Variants in PROSER3 observed in about 807,000 individuals in gnomAD.
PROSER3 encodes proline and serine-rich protein 3.
A neutral mutation model predicts 50.2 loss-of-function variants in PROSER3; 33 were observed. That is an observed-to-expected ratio of 0.66 (90% CI 0.50 to 0.88). The LOEUF (loss-of-function observed/expected upper bound fraction) is 0.88. Among genes scored for constraint, PROSER3 ranks in the 40% least tolerant of loss-of-function variants. The probability of loss-of-function intolerance (pLI) is 0.00; values close to 1 mark genes in which losing one functional copy is unlikely to be tolerated. For synonymous variants in PROSER3, 266 were observed against 259.3 expected, an observed-to-expected ratio of 1.03 and a Z score of -0.25; for missense variants, 623 against 612.7, an observed-to-expected ratio of 1.02 and a Z score of -0.18.
chr19:35,760,109 GT>G (rs1479820684), intron 3 of PROSER3, 118 bp downstream of exon 3: 2 of 1,091,108 alleles, frequency 1.8e-6, no homozygotes, highest in East Asian at 2.7e-5. Flanking sequence ...GGACCAGGCA[GT>G]TTATGTGTGT....
chr19:35,770,529 A>T (rs1454468360), downstream of PROSER3, among the ~76,000 whole-genome samples: 1 of 152,180 alleles, frequency 6.6e-6, no homozygotes, highest in Non-Finnish European at 1.5e-5. Flanking sequence ...GGGCCCCTCA[A>T]CAAATAAAAT....
exon 1 of PROSER3, chr19:35,758,212 CG>C (rs1346256154): frequency 2.6e-6 from 4 of 1,561,472 alleles, no homozygotes; most frequent in Non-Finnish European, 3.5e-6. Context: ...GAGGGAGCCG[CG>C]GGATGGACCG....
At chr19:35,768,050 C>G (rs748705071) in exon 9 of PROSER3, 2 of 1,581,986 alleles carry the variant, frequency 1.3e-6, no homozygotes, top group Middle Eastern at 1.7e-4. Context: ...CGCCCTGCTG[C>G]TGCAGGCTGC....
intron 7 of PROSER3, among the ~76,000 whole-genome samples, chr19:35,766,085 T>G (rs961827906): frequency 1.3e-5 from 2 of 151,850 alleles, no homozygotes; most frequent in South Asian, 4.2e-4. Context: ...GGGAACAGAT[T>G]TGGAGGAGAG....
chr19:35,768,039 C>A (rs1410041348), exon 9 of PROSER3: 1 of 1,580,874 alleles, frequency 6.3e-7, no homozygotes, highest in East Asian at 2.3e-5. Context: ...CTTGCCCAGG[C>A]CGCCCTGCTG....
downstream of PROSER3, chr19:35,770,771 G>A (rs1374364580): frequency 6.6e-6 from 1 of 151,366 alleles, no homozygotes; most frequent in African/African-American, 2.4e-5. Context: ...AGCTACTCAG[G>A]AGGCTGAGGC....
At position 35,764,271 on chromosome 19, in the gene PROSER3, A is replaced by G. The variant is rs1157463042; in HGVS notation, c.544-583A>G. On this transcript the variant is annotated intron_variant, in intron 5 of 10. Coordinates refer to ENST00000396908, the Ensembl canonical transcript of PROSER3. ...CTGTGATTCACTCATCCTTGAGCCA[A>G]CCACTGTGAACCAGAGGATAGAATG... 2.0e-5 allele frequency among the ~76,000 whole-genome samples: 3 copies of G among 152,286 alleles called. No homozygotes were observed. In the East Asian group the frequency reaches 5.8e-4, roughly 29 times the overall value.
At chr19:35,766,050 C>T (rs1249045563) in intron 7 of PROSER3, among the ~76,000 whole-genome samples, 1 of 152,104 alleles carries the variant, frequency 6.6e-6, no homozygotes, top group Non-Finnish European at 1.5e-5. Context: ...CTCAGGTATT[C>T]ACAGGCTCCC....
chr19:35,763,808 C>CT (rs74172759), intron 5 of PROSER3, among the ~76,000 whole-genome samples: 41,448 of 130,378 alleles, frequency 0.32, 7,540 homozygotes, highest in African/African-American at 0.54. Flanking sequence ...GCCCGGCCTT[C>CT]TTTTTTTTTT....
In PROSER3 at chr19:35,765,182, G is replaced by A. The variant is rs777246418; in HGVS notation, c.769+6G>A. On this transcript the variant is annotated splice_donor_region_variant and intron_variant, in intron 7 of 10. Coordinates refer to ENST00000396908, the Ensembl canonical transcript of PROSER3. Reference sequence around the variant, plus strand: ...CCTTGGCCCCAGGGCACCCGGTAAGGGCTGAGAGGCAAAGACTGAGGGCAG... The same window carrying A: ...CCTTGGCCCCAGGGCACCCGGTAAGAGCTGAGAGGCAAAGACTGAGGGCAG... The A allele has an allele frequency of 3.1e-6, 5 of 1,612,294 alleles. No individual in the cohort carries two copies. In the South Asian group the frequency reaches 5.5e-5, roughly 18 times the overall value.
intron 3 of PROSER3, among the ~76,000 whole-genome samples, chr19:35,761,683 CAAAT>C (rs1372327508): frequency 2.0e-5 from 3 of 151,788 alleles, no homozygotes; most frequent in Non-Finnish European, 2.9e-5. Flanking sequence ...TAATTAATTA[CAAAT>C]AAATAAATAA....
At chr19:35,762,186 C>A in intron 4 of PROSER3, 40 bp downstream of exon 4, 2 of 1,591,676 alleles carry the variant, frequency 1.3e-6, no homozygotes, top group Non-Finnish European at 1.7e-6. Context: ...CACCCCTAAA[C>A]CTTTGCTGAT....
rs771325327 is a variant in PROSER3, at chr19:35,761,618, G to T, written c.312-401G>T. Among the ~76,000 whole-genome samples the T allele has an allele frequency of 3.9e-5, 6 of 152,092 alleles. No individual in the cohort carries two copies. The South Asian group carries it at 1.2e-3, about 32-fold the overall frequency. ...AGAGGTTGCAGTGAGCCAAGATCAC[G>T]CCATTGCACTCTAACCTGGGCAACA... On this transcript the variant is annotated intron_variant, in intron 3 of 10. Coordinates refer to ENST00000396908, the Ensembl canonical transcript of PROSER3.
At chr19:35,767,266 G>A in intron 8 of PROSER3, 1 of 353,154 alleles carries the variant, frequency 2.8e-6, no homozygotes, top group Admixed American at 4.4e-5. Context: ...CACAGTCTGG[G>A]CCTTGGGTAT....
Position 35,758,233 on chromosome 19 carries a change from C to A in PROSER3, c.11+7C>A. On this transcript the variant is annotated splice_region_variant and intron_variant, in intron 1 of 10. Transcript: ENST00000396908. ...GCCGCGGGATGGACCGCAGGTGAGGCCGATCGCTCTTCCAGGGACTACAGG... is the reference window on the plus strand; with the variant it reads ...GCCGCGGGATGGACCGCAGGTGAGGACGATCGCTCTTCCAGGGACTACAGG... The A allele has an allele frequency of 6.4e-7, 1 of 1,562,336 alleles. No individual in the cohort carries two copies. Among genetic ancestry groups the A allele is most frequent in the Admixed American group, 1.9e-5 (1 of 52,164 alleles).
intron 3 of PROSER3, among the ~76,000 whole-genome samples, chr19:35,760,916 G>A (rs1970936251): frequency 1.3e-5 from 2 of 152,228 alleles, no homozygotes; most frequent in African/African-American, 4.8e-5. Context: ...AGGTTCAGCT[G>A]CTGTAACAAA....
At position 35,768,074 on chromosome 19, in the gene PROSER3, C is replaced by G. The variant is rs773433428; in HGVS notation, c.1219+9C>G. On this transcript the variant is annotated intron_variant, in intron 9 of 10. Coordinates refer to ENST00000396908, the Ensembl canonical transcript of PROSER3. The stretch of plus-strand genomic sequence containing the variant: ...GCTGCAGGCTGCAGAAGGTGATGCC[C>G]GCGCCCTCCTGGATGTTGGAGGCAG... 1.0e-5 allele frequency: 16 copies of G among 1,584,712 alleles called. No individual in the cohort carries two copies. In the African/African-American group the frequency reaches 1.8e-4, roughly 17 times the overall value.
At position 35,762,129 on chromosome 19, in the gene PROSER3, GCAGT is replaced by G; in HGVS notation, c.425_428del (p.Ser142LysfsTer24). 2 of 1,601,268 alleles carry G rather than the reference GCAGT, an allele frequency of 1.2e-6. No homozygotes were observed. Among genetic ancestry groups the G allele is most frequent in the South Asian group, 1.1e-5 (1 of 90,662 alleles). ...CTGCAGTCTGACTCTCCAGACCCCA[GCAGT>G]CAAAGTGCAGCAGGTACCTCTTTCA... is the stretch of plus-strand genomic sequence containing the variant. On this transcript the variant is annotated frameshift_variant, in exon 4 of 11. Coordinates refer to ENST00000396908, the Ensembl canonical transcript of PROSER3. LOFTEE classifies it high-confidence loss of function.
chr19:35,760,282 A>G (rs2146560816), intron 3 of PROSER3, among the ~76,000 whole-genome samples: 1 of 152,158 alleles, frequency 6.6e-6, no homozygotes, highest in South Asian at 2.1e-4. Context: ...CAGTGGTACA[A>G]TCACAGCTCA....
Sources: gnomAD v4.1 joint callset for allele counts (sites outside exome capture counted in the v4.1 genomes callset) on GRCh38, gnomAD v4.1.1 for gene constraint, MANE v1.5 for transcripts, NCBI Gene and HGNC (gene_info 2026-07-23, HGNC 2026-07-21) for gene names.